Variants in DDAH1 observed in about 807,000 individuals in gnomAD.
The protein encoded by DDAH1 is N(G),N(G)-dimethylarginine dimethylaminohydrolase 1.
DDAH1 carries 19 observed loss-of-function variants against 28.8 expected under a neutral mutation model. That is an observed-to-expected ratio of 0.66 (90% CI 0.46 to 0.97). The LOEUF is 0.97. Ranked by LOEUF, DDAH1 falls within the 50% of genes least tolerant of loss-of-function variation. The pLI is 0.00. For missense variants in DDAH1, 326 were observed against 375.9 expected, an observed-to-expected ratio of 0.87 and a Z score of 1.10; for synonymous variants, 153 against 154.4, an observed-to-expected ratio of 0.99 and a Z score of 0.07.
chr1:85,376,222 T>C (rs752456921), intron 1 of DDAH1, among the ~76,000 whole-genome samples: 1 of 152,202 alleles, frequency 6.6e-6, no homozygotes, highest in African/African-American at 2.4e-5. Flanking sequence ...AAATGGCTTA[T>C]TAAGCCACTC....
Position 85,470,830 on chromosome 1 carries a change from G to A in DDAH1, c.-7+25336C>T, listed in dbSNP as rs980537842. Among the ~76,000 whole-genome samples the A allele has an allele frequency of 5.3e-5, 8 of 152,120 alleles. No homozygotes were observed. In the South Asian group the frequency reaches 1.0e-3, roughly 20 times the overall value. On this transcript the variant is annotated intron_variant, in intron 2 of 6. Coordinates refer to the DDAH1 transcript ENST00000426972. ...CTCAGTTTCTCCAACTTTCATCTGG[G>A]GTTTCGTTCATTGAAGAAACATTTA...
intron 1 of DDAH1, among the ~76,000 whole-genome samples, chr1:85,435,609 A>G (rs986356338): frequency 1.3e-5 from 2 of 152,192 alleles, no homozygotes; most frequent in African/African-American, 4.8e-5. Context: ...GGGAACAGAA[A>G]TGCAGGAGGT....
rs1430472662 is a variant in DDAH1, at chr1:85,479,123, A to AATAATCTG, written c.-7+17035_-7+17042dup. On this transcript the variant is annotated intron_variant, in intron 2 of 6. Coordinates refer to the DDAH1 transcript ENST00000426972. Reference sequence around the variant, plus strand: ...AGTAGGTGAAAAGCTTAAAGTAGTTAATAATCTGAGATTATTTTTCCTCCC... The same window carrying AATAATCTG: ...AGTAGGTGAAAAGCTTAAAGTAGTTAATAATCTGATAATCTGAGATTATTTTTCCTCCC... 3.1e-3 allele frequency among the ~76,000 whole-genome samples: 460 copies of AATAATCTG among 150,736 alleles called. 1 individual carries two copies. Among genetic ancestry groups the AATAATCTG allele is most frequent in the African/African-American group, 0.011 (446 of 41,216 alleles).
chr1:85,401,452 T>G (rs1652098667), intron 1 of DDAH1, among the ~76,000 whole-genome samples: 1 of 151,988 alleles, frequency 6.6e-6, no homozygotes, highest in African/African-American at 2.4e-5. Context: ...GAAATATAAT[T>G]TTACCTTGGA....
chr1:85,462,795 T>C (rs1407817936), intron 1 of DDAH1, among the ~76,000 whole-genome samples: 1 of 152,218 alleles, frequency 6.6e-6, no homozygotes, highest in Non-Finnish European at 1.5e-5. Flanking sequence ...TCATGTGCAA[T>C]GCAAAGGCAG....
chr1:85,504,961 C>CTTTTTTTTTTT (rs61209793), intron 1 of DDAH1, among the ~76,000 whole-genome samples: 1 of 60,778 alleles, frequency 1.6e-5, no homozygotes, highest in African/African-American at 7.2e-5. Flanking sequence ...CTCAATGATT[C>CTTTTTTTTTTT]TTTTTTTTTT....
At chr1:85,351,903 A>G (rs1195006457) in intron 2 of DDAH1, among the ~76,000 whole-genome samples, 2 of 152,194 alleles carry the variant, frequency 1.3e-5, no homozygotes, top group African/African-American at 4.8e-5. Context: ...TGGTTGCCTA[A>G]CACTGTGAAT....
intron 1 of DDAH1, among the ~76,000 whole-genome samples, chr1:85,359,057 T>C (rs575250979): frequency 9.8e-5 from 15 of 152,338 alleles, no homozygotes; most frequent in Admixed American, 9.8e-4. Context: ...TTGTTTATTT[T>C]GTTCCCTTCT....
chr1:85,365,988 G>A (rs907832539), intron 1 of DDAH1, among the ~76,000 whole-genome samples: 3 of 151,942 alleles, frequency 2.0e-5, no homozygotes, highest in African/African-American at 7.3e-5. Context: ...TCAGAGAGAT[G>A]TTCTGATCTT....
chr1:85,533,348 T>G (rs1244726875), intron 1 of DDAH1, among the ~76,000 whole-genome samples: 2 of 152,166 alleles, frequency 1.3e-5, no homozygotes, highest in African/African-American at 4.8e-5. Context: ...CTTTTCTTTT[T>G]TCAATTGAGA....
chr1:85,398,611 G>A (rs1022672769), intron 1 of DDAH1: 1 of 152,178 alleles, frequency 6.6e-6, no homozygotes, highest in Non-Finnish European at 1.5e-5. Context: ...GAGTTCACCA[G>A]AATATCTAAC....
At position 85,461,394 on chromosome 1, in the gene DDAH1, C is replaced by A. The variant is rs188503249; in HGVS notation, c.303+3349G>T. ...CAAACACTGGGCTTTCACAGGAATACTTTCTTGAATTCCAAGGAAGAAAAG... is the reference window on the plus strand; with the variant it reads ...CAAACACTGGGCTTTCACAGGAATAATTTCTTGAATTCCAAGGAAGAAAAG... On this transcript the variant is annotated intron_variant, in intron 1 of 5. Coordinates refer to ENST00000284031, the MANE Select transcript of DDAH1 (RefSeq NM_012137.4). 2.6e-3 allele frequency among the ~76,000 whole-genome samples: 395 copies of A among 152,244 alleles called. 2 individuals are homozygous for A. The highest frequency in any genetic ancestry group is 4.0e-3 in the Non-Finnish European group (270 of 68,004).
intron 4 of DDAH1, among the ~76,000 whole-genome samples, chr1:85,329,219 C>G (rs1647611140): frequency 6.6e-6 from 1 of 152,202 alleles, no homozygotes; most frequent in African/African-American, 2.4e-5. Flanking sequence ...AGTGAGGAAA[C>G]AAACTAAAAT....
chr1:85,450,859 T>C (rs1339796967), intron 1 of DDAH1, among the ~76,000 whole-genome samples: 1 of 152,180 alleles, frequency 6.6e-6, no homozygotes, highest in South Asian at 2.1e-4. Context: ...TGCTAATATA[T>C]GACTAGTTCA....
intron 1 of DDAH1, among the ~76,000 whole-genome samples, chr1:85,567,037 G>A (rs1659325783): frequency 6.6e-6 from 1 of 152,190 alleles, no homozygotes; most frequent in Non-Finnish European, 1.5e-5. Flanking sequence ...CAGGCAGGAA[G>A]AATTACCTCA....
chr1:85,452,772 G>C (rs533444869), intron 1 of DDAH1, among the ~76,000 whole-genome samples: 1 of 152,122 alleles, frequency 6.6e-6, no homozygotes, highest in Non-Finnish European at 1.5e-5. Flanking sequence ...AAATCAAGAC[G>C]ACCTGCATGG....
rs191982119 is a variant in DDAH1, at chr1:85,430,513, G to A, written c.303+34230C>T. On this transcript the variant is annotated intron_variant, in intron 1 of 5. Transcript: ENST00000284031. ...GCAGTATGGCCATTTTGACGATATC[G>A]ATTCTTCCTATTCATGATCATGGAA... Among the ~76,000 whole-genome samples, 171 of 152,238 alleles carry A rather than the reference G, an allele frequency of 1.1e-3. 4 individuals are homozygous for A. The South Asian group carries it at 0.018, about 16-fold the overall frequency.
At chr1:85,456,700 C>T (rs964782058) in intron 1 of DDAH1, among the ~76,000 whole-genome samples, 11 of 152,116 alleles carry the variant, frequency 7.2e-5, no homozygotes, top group South Asian at 2.1e-4. Context: ...TACGTTTATC[C>T]GGATGTAATT....
chr1:85,563,349 C>T (rs1200076149), intron 1 of DDAH1, among the ~76,000 whole-genome samples: 1 of 152,186 alleles, frequency 6.6e-6, no homozygotes, highest in Non-Finnish European at 1.5e-5. Context: ...AGAAACAGTT[C>T]TTGCGACATA....
Sources: allele counts gnomAD v4.1 joint callset (sites outside exome capture counted in the v4.1 genomes callset), GRCh38; gene constraint gnomAD v4.1.1; transcripts MANE v1.5; gene names NCBI Gene and HGNC (gene_info 2026-07-23, HGNC 2026-07-21).